The following TBC1D22A variants were observed in gnomAD, a reference collection of about 807,000 sequenced individuals.
TBC1D22A encodes putative GTPase activator.
In TBC1D22A, 38 loss-of-function variants were observed where a neutral mutation model predicts 60.2. The ratio of observed to expected loss-of-function variants is 0.63; its 90% CI spans 0.49 to 0.83. The LOEUF is 0.83. Among genes scored for constraint, TBC1D22A ranks in the 40% least tolerant of loss-of-function variants. TBC1D22A has a pLI of 0.00. For synonymous variants in TBC1D22A, 302 were observed against 281.7 expected (o/e 1.07, Z -0.72); for missense variants, 628 against 701.0 (o/e 0.90, Z 1.18).
rs1354651550 is a variant in TBC1D22A, at chr22:46,762,761, G to A, written c.-26G>A. On this transcript the variant is annotated 5_prime_UTR_variant, in exon 1 of 13. Transcript: ENST00000337137. The stretch of plus-strand genomic sequence containing the variant: ...CGGGTGCACTCGGGGTGTCTGGGCC[G>A]CGGGTCTGAGGGATGAGGAGGGGCC... 6 of 1,420,160 alleles carry A rather than the reference G, an allele frequency of 4.2e-6. No homozygotes were observed. The highest frequency in any genetic ancestry group is 7.8e-5 in the Admixed American group (2 of 25,792). The allele number at this position is 1,420,160 out of a possible 1,614,324, so 88.0% of individuals were successfully genotyped here.
At chr22:46,865,452 A>G (rs2067005492) in intron 4 of TBC1D22A, among the ~76,000 whole-genome samples, 1 of 152,206 alleles carries the variant, frequency 6.6e-6, no homozygotes, top group African/African-American at 2.4e-5. Flanking sequence ...ATAATCCAAA[A>G]ATCTAAAATC....
At chr22:47,148,479 C>T (rs1312517556) in intron 12 of TBC1D22A, among the ~76,000 whole-genome samples, 1 of 152,072 alleles carries the variant, frequency 6.6e-6, no homozygotes, top group African/African-American at 2.4e-5. Context: ...AATGCCCACT[C>T]GGAATCGCTT....
chr22:47,124,013 G>A (rs738663), intron 12 of TBC1D22A, among the ~76,000 whole-genome samples: 38,317 of 152,102 alleles, frequency 0.25, 6,232 homozygotes, highest in East Asian at 0.59. Context: ...ACAGGAAAGA[G>A]GACACCATTG....
chr22:46,924,745 C>CAA (rs5845771), intron 8 of TBC1D22A, among the ~76,000 whole-genome samples: 15,432 of 148,934 alleles, frequency 0.1, 888 homozygotes, highest in Admixed American at 0.16. Context: ...AACTCTATCT[C>CAA]AAAAAAAAAA....
At chr22:47,119,718 A>G (rs1040999682) in intron 12 of TBC1D22A, among the ~76,000 whole-genome samples, 1 of 152,092 alleles carries the variant, frequency 6.6e-6, no homozygotes, top group African/African-American at 2.4e-5. Context: ...GCTGGTCTCG[A>G]ACTCCTGACC....
chr22:47,114,007 C>CAG (rs1334819064), intron 12 of TBC1D22A, among the ~76,000 whole-genome samples: 3 of 152,218 alleles, frequency 2.0e-5, no homozygotes, highest in Non-Finnish European at 4.4e-5. Context: ...GAATTGATGG[C>CAG]AGCCTTGACA....
rs146766434 is a variant in TBC1D22A at position 46,920,084 on chromosome 22, T to TATGTATGTATGTATGTATGTATGA, written c.1015+7899_1015+7900insTATGTATGTATGTATGTATGAATG. 2.5e-3 allele frequency among the ~76,000 whole-genome samples: 373 copies of TATGTATGTATGTATGTATGTATGA among 149,096 alleles called. 1 individual carries two copies. The highest frequency in any genetic ancestry group is 4.6e-3 in the Non-Finnish European group (311 of 67,918). On this transcript the variant is annotated intron_variant, in intron 8 of 12. Coordinates refer to ENST00000337137, the MANE Select transcript of TBC1D22A (RefSeq NM_014346.5). ...GTATGTATGTATGTATGTATGTATG[T>TATGTATGTATGTATGTATGTATGA]ATGAATGAAGGAGAGAGACAGAGTG...
At chr22:47,170,811 CGG>C (rs2068411129) in intron 12 of TBC1D22A, among the ~76,000 whole-genome samples, 2 of 100,758 alleles carry the variant, frequency 2.0e-5, no homozygotes, top group African/African-American at 4.2e-5. Context: ...GATGCAGGAC[CGG>C]AGAGAGGGCA....
chr22:47,114,911 G>A (rs2065976409), intron 12 of TBC1D22A, among the ~76,000 whole-genome samples: 1 of 152,146 alleles, frequency 6.6e-6, no homozygotes, highest in South Asian at 2.1e-4. Context: ...GAAGGTGAGG[G>A]CGCTGCCTGT....
chr22:46,985,443 A>T (rs1204279652), intron 9 of TBC1D22A, among the ~76,000 whole-genome samples: 1 of 152,220 alleles, frequency 6.6e-6, no homozygotes, highest in Non-Finnish European at 1.5e-5. Flanking sequence ...TATTAAACAG[A>T]AAAGAATGTG....
At chr22:46,966,474 T>G (rs1254038978) in intron 8 of TBC1D22A, among the ~76,000 whole-genome samples, 1 of 152,210 alleles carries the variant, frequency 6.6e-6, no homozygotes, top group East Asian at 1.9e-4. Context: ...TTCTCACACA[T>G]AGAAGTGTTT....
chr22:47,002,913 T>A (rs761501835), intron 10 of TBC1D22A, among the ~76,000 whole-genome samples: 19 of 152,150 alleles, frequency 1.2e-4, no homozygotes, highest in Non-Finnish European at 2.5e-4. Flanking sequence ...CCAGAGGCCT[T>A]CCCAGCAACA....
intron 11 of TBC1D22A, among the ~76,000 whole-genome samples, chr22:47,049,434 A>C (rs2063139448): frequency 6.6e-6 from 1 of 152,220 alleles, no homozygotes; most frequent in South Asian, 2.1e-4. Context: ...AGGTGAATGC[A>C]CTTCTCAGCG....
chr22:47,056,232 G>A lies in TBC1D22A; in HGVS notation c.1329+19034G>A, dbSNP rs563010162. Among the ~76,000 whole-genome samples the A allele has an allele frequency of 3.3e-5, 5 of 152,110 alleles. No individual in the cohort carries two copies. In the East Asian group the frequency reaches 9.7e-4, roughly 30 times the overall value. ...TCCCCAGCCGTGGTGTAGACTGCTCGCCTTCCTCCGCATGACCTGGGTGCC... is the reference window on the plus strand; with the variant it reads ...TCCCCAGCCGTGGTGTAGACTGCTCACCTTCCTCCGCATGACCTGGGTGCC... On this transcript the variant is annotated intron_variant, in intron 11 of 12. Transcript: ENST00000337137.
intron 11 of TBC1D22A, among the ~76,000 whole-genome samples, chr22:47,040,796 C>G (rs1032803224): frequency 6.6e-6 from 1 of 152,194 alleles, no homozygotes; most frequent in Admixed American, 6.5e-5. Context: ...GTTCTTTTCT[C>G]TAAATCCCGG....
Position 46,904,149 on chromosome 22 carries a change from A to ATCTG in TBC1D22A, c.901-7925_901-7924insTCTG, listed in dbSNP as rs1166059872. ...TATCTATCTATCTATCTATCTACCTACCTACCTACCTACCTACCTACCTAC... is the reference window on the plus strand; with the variant it reads ...TATCTATCTATCTATCTATCTACCTATCTGCCTACCTACCTACCTACCTACCTAC... On this transcript the variant is annotated intron_variant, in intron 7 of 12. Coordinates refer to ENST00000337137, the MANE Select transcript of TBC1D22A (RefSeq NM_014346.5). Among the ~76,000 whole-genome samples the ATCTG allele has an allele frequency of 2.3e-4, 18 of 78,902 alleles. 1 individual carries two copies. The South Asian group carries it at 5.3e-3, about 23-fold the overall frequency. The allele number at this position is 78,902 out of a possible 152,430, so 51.8% of individuals were successfully genotyped here. A position where few individuals can be genotyped will look rare whatever the true frequency, so the allele number is the denominator to read the frequency against.
At chr22:46,913,484 C>A in intron 8 of TBC1D22A, 1 of 1,326,682 alleles carries the variant, frequency 7.5e-7, no homozygotes, top group Non-Finnish European at 1.0e-6. Flanking sequence ...CACTTTGTTT[C>A]CATTTGTGAT....
intron 9 of TBC1D22A, among the ~76,000 whole-genome samples, chr22:46,980,093 T>G (rs2074455205): frequency 6.6e-6 from 1 of 152,180 alleles, no homozygotes; most frequent in Non-Finnish European, 1.5e-5. Context: ...AACAGCGATT[T>G]GAAAGGAACC....
At chr22:47,171,990 T>G (rs912891058) in intron 12 of TBC1D22A, among the ~76,000 whole-genome samples, 2 of 144,388 alleles carry the variant, frequency 1.4e-5, no homozygotes, top group African/African-American at 5.5e-5. Context: ...ACCTGCCCAG[T>G]GCGCCCGGTG....
Sources: gnomAD v4.1 joint callset for allele counts (sites outside exome capture counted in the v4.1 genomes callset) on GRCh38, gnomAD v4.1.1 for gene constraint, MANE v1.5 for transcripts, NCBI Gene and HGNC (gene_info 2026-07-23, HGNC 2026-07-21) for gene names.